Variants in OXR1 observed in about 807,000 individuals in gnomAD.
OXR1 encodes oxidation resistance protein 1.
Under a neutral mutation model 104.6 loss-of-function variants are expected in OXR1, and 41 were observed. That is an observed-to-expected ratio of 0.39 (90% CI 0.31 to 0.51). The LOEUF (loss-of-function observed/expected upper bound fraction) is 0.51, where lower values mean the gene tolerates loss of function less well. OXR1 is among the 20% of genes least tolerant of loss of function. The pLI, the probability that OXR1 is intolerant of heterozygous loss-of-function variation, is 0.77. For missense variants in OXR1, 955 were observed against 1,031.9 expected (o/e 0.93, Z 1.02); for synonymous variants, 348 against 348.4 (o/e 1.00, Z 0.01).
At chr8:106,418,785 A>G (rs915295976) in intron 2 of OXR1, among the ~76,000 whole-genome samples, 4 of 152,086 alleles carry the variant, frequency 2.6e-5, no homozygotes, top group African/African-American at 9.7e-5. Flanking sequence ...ATATGTATGC[A>G]TGTGTGTATG....
At chr8:106,401,150 G>A (rs896373221) in intron 2 of OXR1, among the ~76,000 whole-genome samples, 9 of 151,976 alleles carry the variant, frequency 5.9e-5, no homozygotes, top group South Asian at 2.1e-4. Context: ...ATGTCATCAC[G>A]CATCTGGCCA....
chr8:106,628,481 A>AT (rs1180490780), intron 3 of OXR1, among the ~76,000 whole-genome samples: 1 of 152,160 alleles, frequency 6.6e-6, no homozygotes, highest in African/African-American at 2.4e-5. Flanking sequence ...ATGGAGTTGA[A>AT]TTTTATCTCT....
intron 11 of OXR1, among the ~76,000 whole-genome samples, chr8:106,716,718 T>C (rs1832300724): frequency 6.6e-6 from 1 of 152,114 alleles, no homozygotes; most frequent in African/African-American, 2.4e-5. Flanking sequence ...AAACATCTTG[T>C]TTGTTTATAC....
At chr8:106,431,459 T>C (rs889882094) in intron 2 of OXR1, among the ~76,000 whole-genome samples, 1 of 152,240 alleles carries the variant, frequency 6.6e-6, no homozygotes, top group South Asian at 2.1e-4. Context: ...TTATGATTTA[T>C]AGGAATTACA....
At chr8:106,295,554 ATTT>A (rs1411227802) in intron 1 of OXR1, among the ~76,000 whole-genome samples, 1 of 151,680 alleles carries the variant, frequency 6.6e-6, no homozygotes, top group Non-Finnish European at 1.5e-5. Context: ...GGATCTAGTA[ATTT>A]TTTTCTCTTA....
At chr8:106,750,366 C>G (rs1470615170) in intron 16 of OXR1, among the ~76,000 whole-genome samples, 3 of 142,720 alleles carry the variant, frequency 2.1e-5, no homozygotes. Context: ...ACTCTTGTCG[C>G]GCAGGCTGGA....
At chr8:106,508,316 A>C (rs1812300607) in intron 2 of OXR1, among the ~76,000 whole-genome samples, 1 of 152,244 alleles carries the variant, frequency 6.6e-6, no homozygotes, top group Non-Finnish European at 1.5e-5. Context: ...GAGAAGAAGA[A>C]AAGTGATTTC....
chr8:106,619,654 T>C (rs1821534280), intron 3 of OXR1, among the ~76,000 whole-genome samples: 1 of 152,122 alleles, frequency 6.6e-6, no homozygotes, highest in Non-Finnish European at 1.5e-5. Flanking sequence ...GCCTTTGTAA[T>C]AAAAAAATAC....
At chr8:106,579,223 T>A (rs549283944) in intron 3 of OXR1, among the ~76,000 whole-genome samples, 1 of 152,224 alleles carries the variant, frequency 6.6e-6, no homozygotes, top group South Asian at 2.1e-4. Context: ...ATGGCTGTAG[T>A]TGGTTGTACA....
chr8:106,566,854 C>T (rs1363523483), intron 3 of OXR1, among the ~76,000 whole-genome samples: 1 of 152,128 alleles, frequency 6.6e-6, no homozygotes, highest in African/African-American at 2.4e-5. Context: ...TCTCAGCAAA[C>T]TAACACAGGA....
Position 106,374,025 on chromosome 8 carries a change from T to C in OXR1, c.23+14389T>C, listed in dbSNP as rs1563742935. Among the ~76,000 whole-genome samples, 6 of 152,388 alleles carry C rather than the reference T, an allele frequency of 3.9e-5. No individual in the cohort carries two copies. The South Asian group carries it at 1.2e-3, about 32-fold the overall frequency. ...ATCCGTATTACAGAAGTCACTCGTG[T>C]ATCTCCCACCTTCATTTGGCACTTA... On this transcript the variant is annotated intron_variant, in intron 2 of 16. Transcript: ENST00000517566.
chr8:106,707,210 T>A (rs975867331), intron 9 of OXR1, 65 bp downstream of exon 9: 1 of 1,502,606 alleles, frequency 6.7e-7, no homozygotes, highest in Non-Finnish European at 9.2e-7. Flanking sequence ...CTTTCCTCAC[T>A]GACTCAAAAG....
intron 11 of OXR1, among the ~76,000 whole-genome samples, chr8:106,733,140 C>T (rs1434891129): frequency 2.0e-5 from 3 of 152,162 alleles, no homozygotes; most frequent in Non-Finnish European, 4.4e-5. Flanking sequence ...GATCCTCTCA[C>T]CTCAGCCTCC....
chr8:106,684,388 G>A (rs779484745), intron 6 of OXR1, 29 bp downstream of exon 6: 13 of 1,082,278 alleles, frequency 1.2e-5, no homozygotes, highest in South Asian at 8.8e-5. Context: ...CAAAGATGGC[G>A]ATGAAGAAAT....
intron 2 of OXR1, among the ~76,000 whole-genome samples, chr8:106,396,674 T>C (rs1158249412): frequency 6.6e-6 from 1 of 152,066 alleles, no homozygotes; most frequent in Non-Finnish European, 1.5e-5. Context: ...CTGTAGTTTT[T>C]ATTAGGTTGG....
chr8:106,677,196 C>T (rs1390787092), intron 3 of OXR1, among the ~76,000 whole-genome samples: 3 of 41,620 alleles, frequency 7.2e-5, no homozygotes, highest in Non-Finnish European at 4.7e-5. Context: ...GTTTAATTTG[C>T]TATTCAAAGA....
chr8:106,706,908 A>G lies in OXR1; in HGVS notation c.1387A>G (p.Ser463Gly). Residue 463 changes from serine to glycine, a missense_variant, in exon 9 of 17, where the codon AGT becomes GGT. Ser to Gly is a moderately conservative substitution (Grantham distance 56). Transcript: ENST00000517566. ...LHENSLHQEE[S>G]QKENMPCGET... ...TGAGAATTCGTTACACCAAGAAGAG[A>G]GTCAAAAAGAAAATATGCCTTGTGG... 6.2e-7 allele frequency: 1 copy of G among 1,612,376 alleles called. No individual in the cohort carries two copies. Among genetic ancestry groups the G allele is most frequent in the Non-Finnish European group, 8.5e-7 (1 of 1,179,704 alleles).
At chr8:106,389,694 T>C (rs955757037) in intron 2 of OXR1, among the ~76,000 whole-genome samples, 3 of 152,208 alleles carry the variant, frequency 2.0e-5, no homozygotes, top group African/African-American at 7.2e-5. Context: ...TGATGATGTA[T>C]GCCTTCAGAT....
chr8:106,382,682 GTTTTTTTTTTT>G (rs35296978), intron 2 of OXR1, among the ~76,000 whole-genome samples: 3 of 86,216 alleles, frequency 3.5e-5, no homozygotes, highest in East Asian at 3.9e-4. Context: ...AGAACTATAG[GTTTTTTTTTTT>G]TTTTTTTTTT....
Sources: gnomAD v4.1 joint callset for allele counts (sites outside exome capture counted in the v4.1 genomes callset) on GRCh38, gnomAD v4.1.1 for gene constraint, MANE v1.5 for transcripts, NCBI Gene and HGNC (gene_info 2026-07-23, HGNC 2026-07-21) for gene names.